The following PAH variants were observed in gnomAD, a reference collection of about 807,000 sequenced individuals.
The protein encoded by PAH is phenylalanine hydroxylase.
In PAH, 64 loss-of-function variants were observed where a neutral mutation model predicts 62.0. The ratio of observed to expected loss-of-function variants is 1.03; its 90% confidence interval spans 0.84 to 1.27. PAH has a LOEUF of 1.27. Among genes scored for constraint, PAH ranks in the 50% most tolerant of loss-of-function variants. The probability of loss-of-function intolerance (pLI) is 0.00; values close to 1 mark genes in which losing one functional copy is unlikely to be tolerated. For synonymous variants in PAH, 195 were observed against 196.2 expected, an observed-to-expected ratio of 0.99 and a Z score of 0.05; for missense variants, 579 against 542.8, an observed-to-expected ratio of 1.07 and a Z score of -0.66.
intron 1 of PAH, among the ~76,000 whole-genome samples, chr12:102,935,961 A>G (rs533122751): frequency 4.6e-5 from 7 of 151,056 alleles, no homozygotes; most frequent in African/African-American, 1.7e-4. Context: ...CTAGTTCCTT[A>G]AGATGCATTG....
intron 3 of PAH, 67 bp from the exon 4 acceptor site, chr12:102,877,617 A>G (rs566541322): frequency 8.3e-7 from 1 of 1,208,144 alleles, no homozygotes; most frequent in Admixed American, 1.7e-5. Flanking sequence ...CCTTGCTGAG[A>G]TCAGAAGTGG....
intron 3 of PAH, among the ~76,000 whole-genome samples, chr12:102,893,245 C>T (rs986437830): frequency 5.9e-5 from 9 of 151,810 alleles, no homozygotes; most frequent in Non-Finnish European, 1.0e-4. Context: ...ATGGAAAATA[C>T]AAAAATTAGC....
intron 4 of PAH, among the ~76,000 whole-genome samples, chr12:102,871,241 A>G (rs1307854394): frequency 3.3e-5 from 5 of 152,186 alleles, no homozygotes; most frequent in Non-Finnish European, 7.4e-5. Flanking sequence ...CACAGTCCAC[A>G]AGGCTTTACA....
chr12:102,880,397 G>C (rs1191246992), intron 3 of PAH, among the ~76,000 whole-genome samples: 3 of 152,070 alleles, frequency 2.0e-5, no homozygotes, highest in Non-Finnish European at 2.9e-5. Flanking sequence ...GCCACCAAGG[G>C]GTTTCAATGA....
chr12:102,921,069 C>A (rs1478225019), upstream of PAH, among the ~76,000 whole-genome samples: 1 of 152,114 alleles, frequency 6.6e-6, no homozygotes, highest in Non-Finnish European at 1.5e-5. Context: ...AGGGAACATG[C>A]ACTCTTAATT....
At chr12:102,851,914 AT>A in intron 7 of PAH, 158 bp from the exon 8 acceptor site, 1 of 649,438 alleles carries the variant, frequency 1.5e-6, no homozygotes, top group Non-Finnish European at 2.8e-6. Flanking sequence ...GGTTGGGATC[AT>A]AAAAGGCAGG....
At chr12:102,916,259 G>T (rs1878379807) in intron 1 of PAH, among the ~76,000 whole-genome samples, 1 of 151,980 alleles carries the variant, frequency 6.6e-6, no homozygotes, top group South Asian at 2.1e-4. Flanking sequence ...TTTCTACTGA[G>T]AACTCTTCTC....
rs372930995 is a variant in PAH, at chr12:102,854,336, C to T, written c.706+800G>A. Reference sequence around the variant, plus strand: ...TTGTAACCTGTAGTCTGTCTCCCCACTTCTGCTTATTCTACCTGGCACACA... The same window carrying T: ...TTGTAACCTGTAGTCTGTCTCCCCATTTCTGCTTATTCTACCTGGCACACA... On this transcript the variant is annotated intron_variant, in intron 6 of 12. Coordinates refer to ENST00000553106, the MANE Select transcript of PAH (RefSeq NM_000277.3). 3.9e-5 allele frequency among the ~76,000 whole-genome samples: 6 copies of T among 152,206 alleles called. No homozygotes were observed. The East Asian group carries it at 1.2e-3, about 29-fold the overall frequency.
At chr12:102,944,089 AC>A (rs113337806) in intron 1 of PAH, among the ~76,000 whole-genome samples, 13 of 152,292 alleles carry the variant, frequency 8.5e-5, no homozygotes, top group African/African-American at 2.6e-4. Flanking sequence ...ATGTCATGCT[AC>A]TTCCTCCATG....
chr12:102,948,055 T>C (rs1292031356), intron 1 of PAH, among the ~76,000 whole-genome samples: 2 of 152,202 alleles, frequency 1.3e-5, no homozygotes, highest in Admixed American at 6.5e-5. Flanking sequence ...ACACTCTGGG[T>C]ACTCCAGAGG....
chr12:102,893,723 A>G (rs1370597088), intron 3 of PAH, among the ~76,000 whole-genome samples: 1 of 152,220 alleles, frequency 6.6e-6, no homozygotes. Context: ...AGTCTATTCA[A>G]CTTCAAGCCC....
At chr12:102,943,699 A>C (rs1422125083) in intron 1 of PAH, among the ~76,000 whole-genome samples, 1 of 152,156 alleles carries the variant, frequency 6.6e-6, no homozygotes, top group African/African-American at 2.4e-5. Context: ...AGGAAAATGT[A>C]CGACATATAC....
At chr12:102,917,471 C>T (rs556724761), upstream of PAH, 7 of 378,596 alleles carry the variant, frequency 1.8e-5, no homozygotes, top group East Asian at 3.7e-4. Context: ...ACCCAAGCCC[C>T]GTCGATTAGA....
At chr12:102,925,720 A>G (rs1878666299) in intron 1 of PAH, among the ~76,000 whole-genome samples, 1 of 152,114 alleles carries the variant, frequency 6.6e-6, no homozygotes. Context: ...CCAGAAATCT[A>G]AAGATCAGCC....
At position 102,848,108 on chromosome 12, in the gene PAH, T is replaced by C. The variant is rs184202475; in HGVS notation, c.913-1157A>G. 2.6e-3 allele frequency among the ~76,000 whole-genome samples: 403 copies of C among 152,238 alleles called. 1 individual carries two copies. The highest frequency in any genetic ancestry group is 3.7e-3 in the Non-Finnish European group (253 of 68,026). On this transcript the variant is annotated intron_variant, in intron 8 of 12. Transcript: ENST00000553106. ...ATAGATGGTCATGATCTCACTTGTG[T>C]TACCAAGCACTCCTTCTGCCTGCTG... is the stretch of plus-strand genomic sequence containing the variant.
chr12:102,849,936 A>G (rs1356176876), intron 8 of PAH, among the ~76,000 whole-genome samples: 2 of 152,190 alleles, frequency 1.3e-5, no homozygotes, highest in Non-Finnish European at 2.9e-5. Flanking sequence ...ACCATGTGAC[A>G]CTGATGCCCC....
intron 9 of PAH, among the ~76,000 whole-genome samples, chr12:102,845,915 G>T (rs539326566): frequency 6.6e-6 from 1 of 152,262 alleles, no homozygotes; most frequent in South Asian, 2.1e-4. Flanking sequence ...TATTGTTATG[G>T]CAGATAACAT....
rs1166224976 is a variant in PAH at position 102,838,313 on chromosome 12, CA to C, written c.*861del. The C allele has an allele frequency of 2.6e-5, 4 of 152,178 alleles. No homozygotes were observed. Among genetic ancestry groups the C allele is most frequent in the Non-Finnish European group, 4.4e-5 (3 of 68,020 alleles). The allele number at this position is 152,178 out of a possible 1,614,324, so 9.4% of individuals were successfully genotyped here. On this transcript the variant is annotated 3_prime_UTR_variant, in exon 13 of 13. Coordinates refer to ENST00000553106, the MANE Select transcript of PAH (RefSeq NM_000277.3). ...ATTTCATTCCAGGAAATAACTGAAA[CA>C]GTGAAATTGTTTAAACTACTAATGT...
intron 11 of PAH, among the ~76,000 whole-genome samples, chr12:102,843,235 G>A (rs1874666332): frequency 6.6e-6 from 1 of 152,142 alleles, no homozygotes; most frequent in African/African-American, 2.4e-5. Context: ...AAATAAGTTG[G>A]TTAGAGAAAG....
Sources: allele counts gnomAD v4.1 joint callset (sites outside exome capture counted in the v4.1 genomes callset), GRCh38; gene constraint gnomAD v4.1.1; transcripts MANE v1.5; gene names NCBI Gene and HGNC (gene_info 2026-07-23, HGNC 2026-07-21).